PRKN: variants seen among roughly 807,000 people sequenced by gnomAD.
PRKN encodes the protein E3 ubiquitin-protein ligase parkin.
In PRKN, 56 loss-of-function variants were observed where a neutral mutation model predicts 59.5. That is an observed-to-expected ratio of 0.94 (90% CI 0.76 to 1.18). PRKN has a LOEUF of 1.18. Ranked by LOEUF, PRKN falls within the 50% of genes most tolerant of loss-of-function variation. The pLI is 0.00. For missense variants in PRKN, 657 were observed against 596.4 expected (o/e 1.10, Z -1.06); for synonymous variants, 250 against 222.1 (o/e 1.13, Z -1.12).
intron 2 of PRKN, among the ~76,000 whole-genome samples, chr6:162,298,292 G>C (rs959397400): frequency 7.2e-5 from 11 of 152,102 alleles, no homozygotes; most frequent in African/African-American, 2.7e-4. Flanking sequence ...CCATCCACCA[G>C]ATGTCCCTTC....
rs184112944 is a variant in PRKN, at chr6:161,897,777, C to T, written c.734+75525G>A. Among the ~76,000 whole-genome samples the T allele has an allele frequency of 7.1e-3, 1,055 of 149,468 alleles. 8 individuals carry two copies. Among genetic ancestry groups the T allele is most frequent in the Admixed American group, 0.013 (193 of 15,018 alleles). On this transcript the variant is annotated intron_variant, in intron 6 of 11. Coordinates refer to ENST00000366898, the MANE Select transcript of PRKN (RefSeq NM_004562.3). Reference sequence around the variant, plus strand: ...CGGGTGGATCACGAGGTCAGGAGATCGAGACCAAGGTGAAACCCCGTCTCT... The same window carrying T: ...CGGGTGGATCACGAGGTCAGGAGATTGAGACCAAGGTGAAACCCCGTCTCT...
chr6:161,934,545 T>C (rs939002406), intron 6 of PRKN, among the ~76,000 whole-genome samples: 1 of 152,334 alleles, frequency 6.6e-6, no homozygotes, highest in Non-Finnish European at 1.5e-5. Context: ...CTAATCTGCC[T>C]ACAGAGCAGA....
intron 4 of PRKN, among the ~76,000 whole-genome samples, chr6:162,137,222 G>T (rs1011279967): frequency 2.0e-5 from 3 of 152,094 alleles, no homozygotes; most frequent in Admixed American, 1.3e-4. Context: ...GAATATAAAA[G>T]AATATTATTG....
chr6:161,944,015 G>GGAA (rs1161775511), intron 6 of PRKN, among the ~76,000 whole-genome samples: 28 of 133,224 alleles, frequency 2.1e-4, no homozygotes, highest in African/African-American at 6.8e-4. Flanking sequence ...AGCAGCCTGA[G>GGAA]GGATCAGCCT....
intron 1 of PRKN, among the ~76,000 whole-genome samples, chr6:162,704,827 G>A (rs1197515958): frequency 6.6e-6 from 1 of 152,070 alleles, no homozygotes; most frequent in Non-Finnish European, 1.5e-5. Context: ...CATCTGAATC[G>A]TGAAACAAAT....
rs369136348 is a variant in PRKN at position 161,516,826 on chromosome 6, C to CAA, written c.1083+32026_1083+32027dup. Among the ~76,000 whole-genome samples, 272 of 63,176 alleles carry CAA rather than the reference C, an allele frequency of 4.3e-3. 7 individuals carry two copies. The highest frequency in any genetic ancestry group is 0.015 in the African/African-American group (235 of 15,934). The allele number at this position is 63,176 out of a possible 152,430, so 41.4% of individuals were successfully genotyped here. A position where few individuals can be genotyped will look rare whatever the true frequency, so the allele number is the denominator to read the frequency against. On this transcript the variant is annotated intron_variant, in intron 9 of 11. Transcript: ENST00000366898. ...TGGGTGACAGAGCAAGACTCAATCT[C>CAA]AAAAAAAAAAAAAAAAAAAAAGAAA...
rs183569046 is a variant in PRKN at position 161,495,561 on chromosome 6, G to C, written c.1083+53293C>G. ...CGCCCTTAAAGAAGGCATGTTCCCA[G>C]CCCTTCTCCTTCTCTCTTTGTGCAA... is the stretch of plus-strand genomic sequence containing the variant. On this transcript the variant is annotated intron_variant, in intron 9 of 11. Coordinates refer to ENST00000366898, the MANE Select transcript of PRKN (RefSeq NM_004562.3). 2.2e-3 allele frequency among the ~76,000 whole-genome samples: 341 copies of C among 152,302 alleles called. 2 individuals are homozygous for C. Among genetic ancestry groups the C allele is most frequent in the African/African-American group, 8.0e-3 (334 of 41,574 alleles).
chr6:161,633,738 T>C (rs1236371283), intron 7 of PRKN, among the ~76,000 whole-genome samples: 3 of 152,212 alleles, frequency 2.0e-5, no homozygotes, highest in Non-Finnish European at 4.4e-5. Flanking sequence ...CCTGAAACTG[T>C]CATAATTTAA....
At chr6:161,760,406 G>T (rs1384773338) in intron 7 of PRKN, among the ~76,000 whole-genome samples, 1 of 151,304 alleles carries the variant, frequency 6.6e-6, no homozygotes, top group Non-Finnish European at 1.5e-5. Context: ...AGATGGAAAA[G>T]ACCCTTTTTT....
intron 7 of PRKN, among the ~76,000 whole-genome samples, chr6:161,703,376 A>G (rs148271008): frequency 6.6e-6 from 1 of 152,358 alleles, no homozygotes; most frequent in Non-Finnish European, 1.5e-5. Flanking sequence ...AGCCCATGGA[A>G]AGACAATCAA....
rs7738794 is a variant in PRKN, at chr6:161,549,180, C to T, written c.934-177G>A. Among the ~76,000 whole-genome samples, 8 of 151,838 alleles carry T rather than the reference C, an allele frequency of 5.3e-5. No homozygotes were observed. The highest frequency in any genetic ancestry group is 2.1e-4 in the South Asian group (1 of 4,800). ...GGGCCACGGGGTTGATAGGGGAGGA[C>T]GAATATGGTTCAATGCAGTAAAAGT... On this transcript the variant is annotated intron_variant, in intron 8 of 11. Transcript: ENST00000366898. This position sits in a 1 kb window ranked among gnomAD's most constrained non-coding sequence, Gnocchi z 6.0.
At chr6:162,406,479 G>A (rs1349746706) in intron 2 of PRKN, among the ~76,000 whole-genome samples, 2 of 152,194 alleles carry the variant, frequency 1.3e-5, no homozygotes, top group Non-Finnish European at 2.9e-5. Context: ...TCTCTATGCA[G>A]CATTTCCTAG....
rs775194605 is a variant in PRKN, at chr6:161,413,490, G to C, written c.1084-26613C>G. Among the ~76,000 whole-genome samples, 15 of 152,182 alleles carry C rather than the reference G, an allele frequency of 9.9e-5. No individual in the cohort carries two copies. Among genetic ancestry groups the C allele is most frequent in the Non-Finnish European group, 1.6e-4 (11 of 68,038 alleles). Reference sequence around the variant, plus strand: ...GCCAGCTGGGAATGGAAGCCAAGTGGGCATGCTGCAGTGAGAACTGGGGGA... The same window carrying C: ...GCCAGCTGGGAATGGAAGCCAAGTGCGCATGCTGCAGTGAGAACTGGGGGA... On this transcript the variant is annotated intron_variant, in intron 9 of 11. Transcript: ENST00000366898. The surrounding 1 kb of genome is among the most constrained non-coding windows in gnomAD (Gnocchi z 4.4).
chr6:161,973,072 A>G (rs1780885447), intron 6 of PRKN, among the ~76,000 whole-genome samples: 1 of 152,184 alleles, frequency 6.6e-6, no homozygotes, highest in Non-Finnish European at 1.5e-5. Flanking sequence ...GACCCTATTT[A>G]CCTACTTAAA....
intron 6 of PRKN, among the ~76,000 whole-genome samples, chr6:161,859,123 C>A (rs1356462824): frequency 6.6e-6 from 1 of 151,594 alleles, no homozygotes; most frequent in Non-Finnish European, 1.5e-5. Context: ...ACCACCTCGG[C>A]CTTCCAAAGT....
At chr6:162,282,736 A>ATTAT (rs1780967303) in intron 2 of PRKN, among the ~76,000 whole-genome samples, 1 of 152,210 alleles carries the variant, frequency 6.6e-6, no homozygotes, top group African/African-American at 2.4e-5. Flanking sequence ...AGCATGCACT[A>ATTAT]TTATTATTAG....
chr6:161,796,026 T>C lies in PRKN; in HGVS notation c.735-10118A>G, dbSNP rs79137977. Among the ~76,000 whole-genome samples the C allele has an allele frequency of 5.7e-3, 864 of 152,328 alleles. 8 individuals are homozygous for C. The highest frequency in any genetic ancestry group is 0.02 in the African/African-American group (822 of 41,570). On this transcript the variant is annotated intron_variant, in intron 6 of 11. Transcript: ENST00000366898. ...TATAAGCCACATACATAAATCTGCGTTTTAGGTTTATATAATATCCCAAGT... is the reference window on the plus strand; with the variant it reads ...TATAAGCCACATACATAAATCTGCGCTTTAGGTTTATATAATATCCCAAGT...
At chr6:161,640,417 T>C (rs572164118) in intron 7 of PRKN, among the ~76,000 whole-genome samples, 1 of 152,164 alleles carries the variant, frequency 6.6e-6, no homozygotes, top group Non-Finnish European at 1.5e-5. Flanking sequence ...GGAGCACATA[T>C]GGGCACCTGG....
At chr6:162,202,859 G>C (rs1037181349) in intron 3 of PRKN, among the ~76,000 whole-genome samples, 2 of 152,200 alleles carry the variant, frequency 1.3e-5, no homozygotes, top group Non-Finnish European at 2.9e-5. Context: ...ACTAAGAAGT[G>C]CATAGAAGAA....
Sources: gnomAD v4.1 joint callset for allele counts (sites outside exome capture counted in the v4.1 genomes callset) on GRCh38, gnomAD v4.1.1 for gene constraint, Gnocchi (gnomAD v3.1) non-coding constraint, MANE v1.5 for transcripts, NCBI Gene and HGNC (gene_info 2026-07-23, HGNC 2026-07-21) for gene names.